Variants in MATN2 observed in about 807,000 individuals in gnomAD.
MATN2 encodes the protein matrilin 2, also known as matrilin-2.
In MATN2, 69 loss-of-function variants were observed where a neutral mutation model predicts 103.2. The observed-to-expected ratio is 0.67, with a 90% confidence interval of 0.55 to 0.82. MATN2 has a LOEUF of 0.82. Among genes scored for constraint, MATN2 ranks in the 40% least tolerant of loss-of-function variants. MATN2 has a pLI of 0.00. For missense variants in MATN2, 1,023 were observed against 1,211.5 expected, an observed-to-expected ratio of 0.84 and a Z score of 2.31; for synonymous variants, 429 against 450.2, an observed-to-expected ratio of 0.95 and a Z score of 0.60.
At chr8:97,961,333 TG>T in intron 4 of MATN2, 74 bp from the exon 5 acceptor site, 1 of 1,451,132 alleles carries the variant, frequency 6.9e-7, no homozygotes, top group Non-Finnish European at 9.2e-7. Context: ...TGGAGTTCCC[TG>T]TTGCCTCACC....
chr8:98,009,239 C>G (rs1364511817), intron 10 of MATN2, among the ~76,000 whole-genome samples: 1 of 152,180 alleles, frequency 6.6e-6, no homozygotes, highest in African/African-American at 2.4e-5. Context: ...TAATTGAAGA[C>G]TTTCTGCCTG....
intron 6 of MATN2, among the ~76,000 whole-genome samples, chr8:97,981,938 C>T (rs557181322): frequency 1.3e-5 from 2 of 150,322 alleles, no homozygotes; most frequent in African/African-American, 2.4e-5. Context: ...CTAGGAGCCA[C>T]GGGAGGGGCT....
rs750960905 is a variant in MATN2 at position 98,007,089 on chromosome 8, G to C, written c.1328-16G>C. The stretch of plus-strand genomic sequence containing the variant: ...CCCCTCGGCTCCTCTATGCTTTCGC[G>C]TGTGTGAAAATGCAGGAGTGGACCA... On this transcript the variant is annotated splice_polypyrimidine_tract_variant and intron_variant, in intron 8 of 18. Coordinates refer to ENST00000254898, the MANE Select transcript of MATN2 (RefSeq NM_002380.5). This position sits in a 1 kb window ranked among gnomAD's most constrained non-coding sequence, Gnocchi z 4.2. The C allele has an allele frequency of 6.3e-7, 1 of 1,599,610 alleles. No homozygotes were observed. Among genetic ancestry groups the C allele is most frequent in the East Asian group, 2.3e-5 (1 of 44,148 alleles).
intron 6 of MATN2, 80 bp from the exon 7 acceptor site, chr8:97,994,400 T>A (rs1812498702): frequency 6.7e-7 from 1 of 1,487,008 alleles, no homozygotes; most frequent in Admixed American, 2.1e-5. Flanking sequence ...TTTGGGAAAA[T>A]GAAGACTGGA....
At chr8:97,988,609 G>A (rs891419646) in intron 6 of MATN2, among the ~76,000 whole-genome samples, 17 of 152,116 alleles carry the variant, frequency 1.1e-4, no homozygotes, top group Non-Finnish European at 2.5e-4. Flanking sequence ...CTGGGCAACA[G>A]AGTGAGACTC....
At chr8:97,928,218 CTTTTTTTTTTTTTTT>C (rs34226792) in intron 2 of MATN2, among the ~76,000 whole-genome samples, 1 of 89,300 alleles carries the variant, frequency 1.1e-5, no homozygotes, top group African/African-American at 4.5e-5. Flanking sequence ...GCACTCCTGC[CTTTTTTTTTTTTTTT>C]TTTTTTTTTC....
At chr8:98,014,594 T>C (rs1287145098) in intron 10 of MATN2, among the ~76,000 whole-genome samples, 2 of 152,234 alleles carry the variant, frequency 1.3e-5, no homozygotes, top group Non-Finnish European at 2.9e-5. Flanking sequence ...TTTGAAAGCT[T>C]GCTGTAGAAT....
intron 6 of MATN2, among the ~76,000 whole-genome samples, chr8:97,983,838 G>A (rs1455388976): frequency 6.6e-5 from 10 of 152,190 alleles, no homozygotes; most frequent in African/African-American, 1.7e-4. Context: ...TTAAAGTAGA[G>A]ATGGGGTCTG....
In MATN2 at chr8:97,913,454, A is replaced by G. The variant is rs543716568; in HGVS notation, c.143-17499A>G. On this transcript the variant is annotated intron_variant, in intron 2 of 18. Coordinates refer to ENST00000254898, the MANE Select transcript of MATN2 (RefSeq NM_002380.5). Reference sequence around the variant, plus strand: ...CTCAGCCTCCCAAGTAGCTGGGATTACAGGTGCACACCACCACACCCAGCT... The same window carrying G: ...CTCAGCCTCCCAAGTAGCTGGGATTGCAGGTGCACACCACCACACCCAGCT... Among the ~76,000 whole-genome samples, 93 of 151,130 alleles carry G rather than the reference A, an allele frequency of 6.2e-4. No homozygotes were observed. In the South Asian group the frequency reaches 0.019, roughly 30 times the overall value.
chr8:97,906,447 G>A (rs1446668938), intron 2 of MATN2, among the ~76,000 whole-genome samples: 1 of 152,136 alleles, frequency 6.6e-6, no homozygotes, highest in African/African-American at 2.4e-5. Context: ...GGGTCTCAAA[G>A]GAGCCCTTTT....
At chr8:98,030,837 A>G (rs1349093295) in intron 15 of MATN2, among the ~76,000 whole-genome samples, 1 of 151,764 alleles carries the variant, frequency 6.6e-6, no homozygotes. Flanking sequence ...TAATTTTTGT[A>G]TTTTTAGTAG....
At chr8:98,000,604 A>AAAAAAAAAAAAAAT (rs1554613598) in intron 7 of MATN2, among the ~76,000 whole-genome samples, 1 of 127,284 alleles carries the variant, frequency 7.9e-6, no homozygotes, top group African/African-American at 3.0e-5. Context: ...CTCAAAAAAA[A>AAAAAAAAAAAAAAT]AAAAAAGAAA....
At chr8:97,972,903 T>A (rs1811710584) in intron 5 of MATN2, among the ~76,000 whole-genome samples, 2 of 152,248 alleles carry the variant, frequency 1.3e-5, no homozygotes, top group Non-Finnish European at 2.9e-5. Context: ...TTGAAGTAGA[T>A]GAGAACTTGG....
intron 6 of MATN2, among the ~76,000 whole-genome samples, chr8:97,985,549 G>A (rs1291857801): frequency 1.3e-5 from 2 of 151,804 alleles, no homozygotes; most frequent in Admixed American, 6.6e-5. Context: ...ATATTATTTG[G>A]GCCGTTTTCC....
At chr8:97,932,779 T>C (rs1327201774) in intron 3 of MATN2, among the ~76,000 whole-genome samples, 2 of 152,192 alleles carry the variant, frequency 1.3e-5, no homozygotes, top group African/African-American at 2.4e-5. Flanking sequence ...TTCCCAGTGG[T>C]CCCTGTCCCC....
At chr8:97,939,931 A>G (rs1256943654) in intron 3 of MATN2, among the ~76,000 whole-genome samples, 1 of 152,198 alleles carries the variant, frequency 6.6e-6, no homozygotes, top group East Asian at 1.9e-4. Context: ...GTGAAAACTG[A>G]GGTGAAGGTC....
chr8:98,024,734 T>G (rs1356021136), intron 13 of MATN2: 1 of 152,254 alleles, frequency 6.6e-6, no homozygotes, highest in Non-Finnish European at 1.5e-5. Flanking sequence ...CCTGAAGTTC[T>G]AGAACTTTCT....
intron 13 of MATN2, 99 bp from the exon 14 acceptor site, chr8:98,027,317 C>CG: frequency 9.2e-7 from 1 of 1,087,102 alleles, no homozygotes; most frequent in Non-Finnish European, 1.3e-6. Context: ...ACTGGTTCCC[C>CG]AAAGTGGTTA....
At chr8:97,891,043 G>T (rs1347882834) in intron 2 of MATN2, among the ~76,000 whole-genome samples, 1 of 152,122 alleles carries the variant, frequency 6.6e-6, no homozygotes, top group African/African-American at 2.4e-5. Flanking sequence ...TGTCCACATG[G>T]GCTTATCTCT....
Sources: allele counts gnomAD v4.1 joint callset (sites outside exome capture counted in the v4.1 genomes callset), GRCh38; gene constraint gnomAD v4.1.1; non-coding constraint Gnocchi (gnomAD v3.1); transcripts MANE v1.5; gene names NCBI Gene and HGNC (gene_info 2026-07-23, HGNC 2026-07-21).